CHRM3: variants seen among roughly 807,000 people sequenced by gnomAD.
The protein encoded by CHRM3 is muscarinic acetylcholine receptor M3.
A neutral mutation model predicts 41.8 loss-of-function variants in CHRM3; 11 were observed. The observed-to-expected ratio is 0.26, with a 90% confidence interval of 0.17 to 0.44. The LOEUF (loss-of-function observed/expected upper bound fraction) is 0.44. Among genes scored for constraint, CHRM3 ranks in the 20% least tolerant of loss-of-function variants. The pLI is 1.00. For synonymous variants in CHRM3, 297 were observed against 301.4 expected (o/e 0.99, Z 0.15); for missense variants, 571 against 745.4 (o/e 0.77, Z 2.72).
chr1:239,895,635 C>T (rs1487224708), intron 6 of CHRM3, among the ~76,000 whole-genome samples: 3 of 152,134 alleles, frequency 2.0e-5, no homozygotes, highest in African/African-American at 7.2e-5. Context: ...GAATACTATG[C>T]AGCCATAAAA....
chr1:239,503,088 G>C (rs1158644506), intron 2 of CHRM3, among the ~76,000 whole-genome samples: 1 of 151,958 alleles, frequency 6.6e-6, no homozygotes, highest in Non-Finnish European at 1.5e-5. Flanking sequence ...AGAAATAAAG[G>C]GCATCCAAAA....
intron 6 of CHRM3, among the ~76,000 whole-genome samples, chr1:239,841,978 C>A (rs902331253): frequency 3.9e-5 from 6 of 152,064 alleles, no homozygotes; most frequent in African/African-American, 1.2e-4. Flanking sequence ...AGGGGGGACG[C>A]CTATATCAAA....
chr1:239,638,154 G>A (rs10925937), intron 4 of CHRM3, among the ~76,000 whole-genome samples: 94,951 of 148,302 alleles, frequency 0.64, 30,671 homozygotes, highest in East Asian at 0.83. Context: ...TCTTAATCCA[G>A]TCTATCATTG....
Position 239,809,019 on chromosome 1 carries a change from A to ATTTT in CHRM3, c.-146-18218_-146-18215dup, listed in dbSNP as rs34075379. On this transcript the variant is annotated intron_variant, in intron 5 of 6. Coordinates refer to ENST00000676153, the MANE Select transcript of CHRM3 (RefSeq NM_001375978.1). ...GTCTGGGTCTTTGACTCTGAAGTCCATTTTTTTTTTTTTTTTTTGAGACAG... is the reference window on the plus strand; with the variant it reads ...GTCTGGGTCTTTGACTCTGAAGTCCATTTTTTTTTTTTTTTTTTTTTTGAGACAG... Among the ~76,000 whole-genome samples the ATTTT allele has an allele frequency of 4.7e-4, 59 of 125,214 alleles. 3 individuals carry two copies. The highest frequency in any genetic ancestry group is 6.0e-4 in the Admixed American group (7 of 11,716). 82.1% of individuals were successfully genotyped at this position (125,214 alleles called of 152,430 possible).
At chr1:239,737,892 TAAA>T (rs1286794786) in intron 5 of CHRM3, among the ~76,000 whole-genome samples, 1 of 152,000 alleles carries the variant, frequency 6.6e-6, no homozygotes. Flanking sequence ...TACGGGCAAT[TAAA>T]AAACAAACAA....
intron 3 of CHRM3, among the ~76,000 whole-genome samples, chr1:239,617,732 T>G (rs1395712078): frequency 6.6e-6 from 1 of 152,174 alleles, no homozygotes; most frequent in Non-Finnish European, 1.5e-5. Flanking sequence ...GGAAAAAATT[T>G]AAACCTACAA....
chr1:239,731,672 T>C (rs1226371037), intron 5 of CHRM3, among the ~76,000 whole-genome samples: 1 of 151,998 alleles, frequency 6.6e-6, no homozygotes, highest in African/African-American at 2.4e-5. Context: ...CTAGTACAAA[T>C]CTTCCCCTTT....
chr1:239,902,224 G>T (rs1243844127), intron 6 of CHRM3, among the ~76,000 whole-genome samples: 2 of 152,146 alleles, frequency 1.3e-5, no homozygotes, highest in Non-Finnish European at 2.9e-5. Flanking sequence ...AGGGAGGCAA[G>T]ATCCCCGTTA....
intron 6 of CHRM3, among the ~76,000 whole-genome samples, chr1:239,862,337 C>G (rs1474652708): frequency 6.6e-6 from 1 of 152,150 alleles, no homozygotes; most frequent in Non-Finnish European, 1.5e-5. Flanking sequence ...AGCTTAACTT[C>G]TTGAACAATC....
At chr1:239,645,664 G>A (rs1671681849) in intron 4 of CHRM3, among the ~76,000 whole-genome samples, 1 of 152,056 alleles carries the variant, frequency 6.6e-6, no homozygotes, top group Non-Finnish European at 1.5e-5. Context: ...GTATCAAAAT[G>A]TATTATAGAA....
At chr1:239,483,788 T>C (rs1667015759) in intron 1 of CHRM3, among the ~76,000 whole-genome samples, 1 of 152,178 alleles carries the variant, frequency 6.6e-6, no homozygotes, top group Admixed American at 6.5e-5. Context: ...AACCAGGTTG[T>C]TGGCAAACCG....
At chr1:239,436,524 T>C (rs942600218) in intron 1 of CHRM3, among the ~76,000 whole-genome samples, 3 of 152,014 alleles carry the variant, frequency 2.0e-5, no homozygotes, top group Non-Finnish European at 4.4e-5. Flanking sequence ...CATAGTTTTA[T>C]GTGTCCCTTT....
At chr1:239,602,829 T>G (rs1665770420) in intron 3 of CHRM3, among the ~76,000 whole-genome samples, 1 of 152,200 alleles carries the variant, frequency 6.6e-6, no homozygotes, top group African/African-American at 2.4e-5. Flanking sequence ...TATTAACAAT[T>G]TCTAAGTGTA....
At chr1:239,775,131 A>G (rs1251919758) in intron 5 of CHRM3, among the ~76,000 whole-genome samples, 1 of 152,134 alleles carries the variant, frequency 6.6e-6, no homozygotes. Flanking sequence ...ACTTGGGATC[A>G]TGGCTAAAAA....
chr1:239,725,641 A>C (rs1470058857), intron 5 of CHRM3, among the ~76,000 whole-genome samples: 2 of 151,924 alleles, frequency 1.3e-5, no homozygotes, highest in Non-Finnish European at 2.9e-5. Flanking sequence ...ATGCGTGTTG[A>C]TTGATTGGTG....
chr1:239,888,688 C>G (rs780689230), intron 6 of CHRM3, among the ~76,000 whole-genome samples: 3 of 151,972 alleles, frequency 2.0e-5, no homozygotes, highest in African/African-American at 2.4e-5. Context: ...TTGCCCGATG[C>G]CTTCATGGGG....
At chr1:239,498,400 A>G (rs1668017593) in intron 2 of CHRM3, among the ~76,000 whole-genome samples, 1 of 152,176 alleles carries the variant, frequency 6.6e-6, no homozygotes, top group Non-Finnish European at 1.5e-5. Flanking sequence ...TTGCAAAAAT[A>G]ACTTGCAAAA....
intron 3 of CHRM3, among the ~76,000 whole-genome samples, chr1:239,614,856 A>G (rs986816906): frequency 2.0e-5 from 3 of 152,204 alleles, no homozygotes; most frequent in Admixed American, 2.0e-4. Flanking sequence ...TGGATTGCAG[A>G]TATATATACA....
At chr1:239,401,851 TC>T (rs1660004988) in intron 1 of CHRM3, among the ~76,000 whole-genome samples, 1 of 152,224 alleles carries the variant, frequency 6.6e-6, no homozygotes, top group African/African-American at 2.4e-5. Flanking sequence ...TATTTGAGGA[TC>T]CTGGAATCTG....
Sources: allele counts gnomAD v4.1 joint callset (sites outside exome capture counted in the v4.1 genomes callset), GRCh38; gene constraint gnomAD v4.1.1; transcripts MANE v1.5; gene names NCBI Gene and HGNC (gene_info 2026-07-23, HGNC 2026-07-21).